Variants in MAGI1 observed in about 807,000 individuals in gnomAD.
The protein encoded by MAGI1 is membrane associated guanylate kinase, WW and PDZ domain containing 1.
A neutral mutation model predicts 139.9 loss-of-function variants in MAGI1; 58 were observed. The ratio of observed to expected loss-of-function variants is 0.41; its 90% confidence interval spans 0.34 to 0.52. The LOEUF (loss-of-function observed/expected upper bound fraction) is 0.52, where lower values mean the gene tolerates loss of function less well. Among genes scored for constraint, MAGI1 ranks in the 20% least tolerant of loss-of-function variants. MAGI1 has a pLI of 0.12. For missense variants in MAGI1, 1,874 were observed against 1,901.6 expected (o/e 0.99, Z 0.27); for synonymous variants, 812 against 737.9 (o/e 1.10, Z -1.63).
At chr3:65,659,263 G>T (rs759142802) in intron 1 of MAGI1, among the ~76,000 whole-genome samples, 1 of 152,094 alleles carries the variant, frequency 6.6e-6, no homozygotes, top group African/African-American at 2.4e-5. Flanking sequence ...GTGATCACAG[G>T]AGAATGGAAA....
chr3:65,938,292 TTATAA>T (rs1034450212), intron 1 of MAGI1, among the ~76,000 whole-genome samples: 18 of 148,454 alleles, frequency 1.2e-4, no homozygotes, highest in African/African-American at 2.0e-4. Flanking sequence ...AATATGAATA[TTATAA>T]TATATTAACA....
At chr3:65,476,223 G>GT (rs1189407037) in intron 4 of MAGI1, among the ~76,000 whole-genome samples, 1 of 152,102 alleles carries the variant, frequency 6.6e-6, no homozygotes, top group African/African-American at 2.4e-5. Context: ...GTACACTGTT[G>GT]TAAGTGAGGG....
intron 1 of MAGI1, among the ~76,000 whole-genome samples, chr3:65,848,591 T>C (rs1008361279): frequency 6.6e-6 from 1 of 152,116 alleles, no homozygotes; most frequent in Non-Finnish European, 1.5e-5. Flanking sequence ...TTTTTTTTTT[T>C]TTATTTTCTT....
At chr3:65,728,679 A>G (rs1371320798) in intron 1 of MAGI1, among the ~76,000 whole-genome samples, 2 of 152,182 alleles carry the variant, frequency 1.3e-5, no homozygotes, top group East Asian at 3.9e-4. Context: ...TTGTCAGAAG[A>G]GAAACAACTG....
intron 1 of MAGI1, among the ~76,000 whole-genome samples, chr3:65,637,237 G>A (rs2084678718): frequency 6.6e-6 from 1 of 151,850 alleles, no homozygotes; most frequent in Admixed American, 6.6e-5. Flanking sequence ...TTTTCTTTTA[G>A]AGCAAAGAGC....
chr3:65,683,162 C>A (rs1480972220), intron 1 of MAGI1, among the ~76,000 whole-genome samples: 1 of 152,154 alleles, frequency 6.6e-6, no homozygotes, highest in Non-Finnish European at 1.5e-5. Context: ...CAGACCAGTA[C>A]CACTGTGTGG....
At chr3:65,401,682 C>T (rs899261344) in intron 12 of MAGI1, 14 of 1,542,176 alleles carry the variant, frequency 9.1e-6, no homozygotes, top group Non-Finnish European at 1.1e-5. Context: ...GATCTATCTG[C>T]ATTAGCTATG....
chr3:65,553,976 A>G (rs1292999361), intron 2 of MAGI1, among the ~76,000 whole-genome samples: 1 of 152,204 alleles, frequency 6.6e-6, no homozygotes, highest in Non-Finnish European at 1.5e-5. Context: ...AGTGTTGCTC[A>G]CCCTTTTCTT....
intron 1 of MAGI1, among the ~76,000 whole-genome samples, chr3:65,690,643 T>A (rs1252802714): frequency 8.3e-6 from 1 of 120,990 alleles, no homozygotes; most frequent in Admixed American, 8.1e-5. Context: ...ATTTTTAATT[T>A]TTTTTTTTTT....
chr3:65,843,702 G>A (rs1371706994), intron 1 of MAGI1, among the ~76,000 whole-genome samples: 1 of 152,126 alleles, frequency 6.6e-6, no homozygotes, highest in Non-Finnish European at 1.5e-5. Context: ...TCATCACCAT[G>A]ACTTAAACAG....
In MAGI1 at chr3:65,823,765, G is replaced by T. The variant is rs1252475877; in HGVS notation, c.314-201677C>A. On this transcript the variant is annotated intron_variant, in intron 1 of 22. Coordinates refer to ENST00000402939, the MANE Select transcript of MAGI1 (RefSeq NM_001033057.2). Reference sequence around the variant, plus strand: ...AAAATATTTATTGAGCCTGTACAATGTGCCAGAGCTGACCTATAAGCACTG... The same window carrying T: ...AAAATATTTATTGAGCCTGTACAATTTGCCAGAGCTGACCTATAAGCACTG... Among the ~76,000 whole-genome samples the T allele has an allele frequency of 9.8e-5, 15 of 152,314 alleles. No individual in the cohort carries two copies. The East Asian group carries it at 2.9e-3, about 29-fold the overall frequency.
chr3:65,800,122 A>G (rs2040420687), intron 1 of MAGI1, among the ~76,000 whole-genome samples: 1 of 152,212 alleles, frequency 6.6e-6, no homozygotes, highest in South Asian at 2.1e-4. Context: ...GGAGAGCCTA[A>G]TAATACCTGC....
chr3:65,962,409 C>T (rs1008655337), intron 1 of MAGI1, among the ~76,000 whole-genome samples: 9 of 152,034 alleles, frequency 5.9e-5, no homozygotes, highest in African/African-American at 2.2e-4. Context: ...GCGTGAGCCA[C>T]CGCGCCCGGC....
chr3:65,915,613 G>C (rs1416467674), intron 1 of MAGI1, among the ~76,000 whole-genome samples: 2 of 152,144 alleles, frequency 1.3e-5, no homozygotes, highest in African/African-American at 4.8e-5. Flanking sequence ...CTAATTAAAA[G>C]AAAAGTTTAC....
chr3:65,685,358 T>C (rs1470483114), intron 1 of MAGI1, among the ~76,000 whole-genome samples: 3 of 152,156 alleles, frequency 2.0e-5, no homozygotes, highest in Admixed American at 6.5e-5. Context: ...ATACTTGTCA[T>C]TTCTGGGTGG....
At chr3:65,995,075 G>A (rs2066368919) in intron 1 of MAGI1, among the ~76,000 whole-genome samples, 1 of 152,090 alleles carries the variant, frequency 6.6e-6, no homozygotes, top group Non-Finnish European at 1.5e-5. Context: ...TAAGTTTCTC[G>A]GGGACAAAAA....
intron 1 of MAGI1, chr3:65,687,835 C>A (rs2088195684): frequency 1.6e-6 from 1 of 607,284 alleles, no homozygotes; most frequent in Non-Finnish European, 3.3e-6. Context: ...ACTGTCATTA[C>A]AACAGTGCCA....
In MAGI1 at chr3:65,757,774, G is replaced by C. The variant is rs1056064738; in HGVS notation, c.314-135686C>G. Reference sequence around the variant, plus strand: ...TTGTCAGCCACATGATTTAAAGAAAGAAATCCTAAAATAAATTATTTGAGA... The same window carrying C: ...TTGTCAGCCACATGATTTAAAGAAACAAATCCTAAAATAAATTATTTGAGA... On this transcript the variant is annotated intron_variant, in intron 1 of 22. Coordinates refer to ENST00000402939, the MANE Select transcript of MAGI1 (RefSeq NM_001033057.2). Among the ~76,000 whole-genome samples, 3 of 152,148 alleles carry C rather than the reference G, an allele frequency of 2.0e-5. No individual in the cohort carries two copies. In the East Asian group the frequency reaches 5.8e-4, roughly 29 times the overall value.
intron 1 of MAGI1, among the ~76,000 whole-genome samples, chr3:65,854,923 T>G (rs573723454): frequency 6.6e-6 from 1 of 152,290 alleles, no homozygotes; most frequent in Non-Finnish European, 1.5e-5. Context: ...CATCCCCTAA[T>G]CAAGGGCTGC....
Sources: allele counts gnomAD v4.1 joint callset (sites outside exome capture counted in the v4.1 genomes callset), GRCh38; gene constraint gnomAD v4.1.1; transcripts MANE v1.5; gene names NCBI Gene and HGNC (gene_info 2026-07-23, HGNC 2026-07-21).